SRGAP1: variants seen among roughly 807,000 people sequenced by gnomAD.
The protein encoded by SRGAP1 is SLIT-ROBO Rho GTPase activating protein 1.
SRGAP1 carries 43 observed loss-of-function variants against 121.9 expected under a neutral mutation model. The observed-to-expected ratio is 0.35, with a 90% CI of 0.28 to 0.46. The LOEUF is 0.46. Ranked by LOEUF, SRGAP1 falls within the 20% of genes least tolerant of loss-of-function variation. The pLI is 1.00. For synonymous variants in SRGAP1, 447 were observed against 485.4 expected (o/e 0.92, Z 1.04); for missense variants, 1,102 against 1,350.9 (o/e 0.82, Z 2.89).
intron 1 of SRGAP1, among the ~76,000 whole-genome samples, chr12:63,913,645 C>T (rs1203715574): frequency 6.6e-6 from 1 of 151,154 alleles, no homozygotes; most frequent in Non-Finnish European, 1.5e-5. Context: ...ATCACTTCCT[C>T]CTATGTGACA....
chr12:63,952,883 C>G (rs751899664), intron 1 of SRGAP1, among the ~76,000 whole-genome samples: 2 of 152,108 alleles, frequency 1.3e-5, no homozygotes, highest in Non-Finnish European at 2.9e-5. Flanking sequence ...TGGCCTCAAG[C>G]AATCCTCCTG....
chr12:63,989,948 A>G lies in SRGAP1; in HGVS notation c.302A>G (p.Tyr101Cys). The G allele has an allele frequency of 6.2e-7, 1 of 1,613,402 alleles. No homozygotes were observed. The highest frequency in any genetic ancestry group is 8.5e-7 in the Non-Finnish European group (1 of 1,179,688). ...QNLLSPVNCW[Y>C]LLLNQVRRES... is the part of the protein sequence containing the mutation. Reference sequence around the variant, plus strand: ...CTGTTGTCTCCAGTGAACTGCTGGTATTTGCTCCTGAACCAAGTAAGGAGA... The same window carrying G: ...CTGTTGTCTCCAGTGAACTGCTGGTGTTTGCTCCTGAACCAAGTAAGGAGA... The change falls in exon 3 of 22, where the codon TAT (tyrosine) becomes TGT (cysteine). Residue 101 changes from tyrosine (Y) to cysteine (C), a missense_variant. Tyr to Cys is a radical substitution (Grantham distance 194). Coordinates refer to ENST00000355086, the MANE Select transcript of SRGAP1 (RefSeq NM_020762.4).
chr12:64,016,801 G>C (rs994817397), intron 3 of SRGAP1, 149 bp from the exon 4 acceptor site: 25 of 513,250 alleles, frequency 4.9e-5, no homozygotes, highest in African/African-American at 4.5e-4. Context: ...ACAATGTCTA[G>C]AGTTTACAAA....
chr12:63,930,349 A>AT (rs1248353362), intron 1 of SRGAP1, among the ~76,000 whole-genome samples: 61 of 151,346 alleles, frequency 4.0e-4, no homozygotes, highest in African/African-American at 1.4e-3. Context: ...AAAAAAAAAA[A>AT]AAAGGGGAGC....
At chr12:63,927,400 G>A (rs1426637548) in intron 1 of SRGAP1, among the ~76,000 whole-genome samples, 1 of 152,138 alleles carries the variant, frequency 6.6e-6, no homozygotes, top group Admixed American at 6.5e-5. Context: ...TGATTGCTAC[G>A]CTTATCCTGT....
rs1037062077 is a variant in SRGAP1, at chr12:64,158,267, T to A, written c.*15595T>A. 3 of 152,254 alleles carry A rather than the reference T, an allele frequency of 2.0e-5. No individual in the cohort carries two copies. The highest frequency in any genetic ancestry group is 2.1e-4 in the South Asian group (1 of 4,838). The allele number at this position is 152,254 out of a possible 1,614,324, so 9.4% of individuals were successfully genotyped here. A position where few individuals can be genotyped will look rare whatever the true frequency, so the allele number is the denominator to read the frequency against. On this transcript the variant is annotated 3_prime_UTR_variant, in exon 22 of 22. Coordinates refer to ENST00000355086, the MANE Select transcript of SRGAP1 (RefSeq NM_020762.4). ...TTCTAAATTAAAACTATTTCCTGCTTTGTATTTGTCCTTTATTCCAAAAAC... is the reference window on the plus strand; with the variant it reads ...TTCTAAATTAAAACTATTTCCTGCTATGTATTTGTCCTTTATTCCAAAAAC...
chr12:64,128,309 A>C, intron 21 of SRGAP1, 109 bp downstream of exon 21: 3 of 1,105,932 alleles, frequency 2.7e-6, no homozygotes, highest in Non-Finnish European at 3.7e-6. Context: ...ATATTTCTGT[A>C]TAGAACCAAC....
At chr12:64,095,878 G>T (rs1446316413) in intron 14 of SRGAP1, among the ~76,000 whole-genome samples, 1 of 152,130 alleles carries the variant, frequency 6.6e-6, no homozygotes, top group African/African-American at 2.4e-5. Context: ...ATTTCCTTAT[G>T]TTAGAAACAT....
At chr12:63,892,549 T>C (rs1197846140) in intron 1 of SRGAP1, among the ~76,000 whole-genome samples, 1 of 152,236 alleles carries the variant, frequency 6.6e-6, no homozygotes, top group East Asian at 1.9e-4. Context: ...GGTCTTTTTT[T>C]CTCCCCTCCC....
intron 6 of SRGAP1, among the ~76,000 whole-genome samples, chr12:64,044,182 T>C (rs2035079466): frequency 6.6e-6 from 1 of 152,216 alleles, no homozygotes; most frequent in Admixed American, 6.5e-5. Flanking sequence ...ATATTCATTA[T>C]ATGTATGCAG....
chr12:63,855,945 C>T (rs1474480532), intron 1 of SRGAP1, among the ~76,000 whole-genome samples: 4 of 151,970 alleles, frequency 2.6e-5, no homozygotes, highest in African/African-American at 9.7e-5. Context: ...CAGTCTGTAG[C>T]TTGTGTTTTC....
intron 1 of SRGAP1, among the ~76,000 whole-genome samples, chr12:63,857,763 A>G (rs1381151420): frequency 1.3e-5 from 2 of 152,200 alleles, no homozygotes; most frequent in East Asian, 1.9e-4. Flanking sequence ...AAAAACACTC[A>G]TTATTTATAA....
At chr12:63,954,677 C>CAAAAAAAAAA (rs60508657) in intron 1 of SRGAP1, among the ~76,000 whole-genome samples, 6 of 104,606 alleles carry the variant, frequency 5.7e-5, no homozygotes, top group Non-Finnish European at 7.8e-5. Context: ...GACTCCATCT[C>CAAAAAAAAAA]AAAAAAAAAA....
chr12:63,930,498 C>T (rs188021584), intron 1 of SRGAP1, among the ~76,000 whole-genome samples: 1 of 152,030 alleles, frequency 6.6e-6, no homozygotes, highest in East Asian at 1.9e-4. Context: ...AACGCTACAC[C>T]AAAATGCAAA....
In SRGAP1 at chr12:63,870,606, C is replaced by A. The variant is rs368198375; in HGVS notation, c.67+25723C>A. ...AGGCTGGAGTGCAATGGTGCGATCT[C>A]AGCTGTCAGTGCAACCTCCGCTTCT... On this transcript the variant is annotated intron_variant, in intron 1 of 21. Coordinates refer to ENST00000355086, the MANE Select transcript of SRGAP1 (RefSeq NM_020762.4). Among the ~76,000 whole-genome samples, 15 of 145,124 alleles carry A rather than the reference C, an allele frequency of 1.0e-4. 1 individual carries two copies. The East Asian group carries it at 1.8e-3, about 18-fold the overall frequency.
intron 1 of SRGAP1, among the ~76,000 whole-genome samples, chr12:63,932,236 G>A (rs2031502757): frequency 6.6e-6 from 1 of 152,136 alleles, no homozygotes; most frequent in African/African-American, 2.4e-5. Flanking sequence ...AGCCGAGATT[G>A]CACCACTGCA....
intron 1 of SRGAP1, among the ~76,000 whole-genome samples, chr12:63,913,143 G>T (rs1180463541): frequency 6.8e-6 from 1 of 147,438 alleles, no homozygotes; most frequent in Non-Finnish European, 1.5e-5. Context: ...CTCCTACCTG[G>T]AATGCTGTTC....
intron 1 of SRGAP1, among the ~76,000 whole-genome samples, chr12:63,900,362 C>T (rs1449849620): frequency 4.0e-5 from 6 of 151,490 alleles, no homozygotes; most frequent in Non-Finnish European, 5.9e-5. Flanking sequence ...CGTGCCATCA[C>T]GCCCAGCTAA....
intron 1 of SRGAP1, among the ~76,000 whole-genome samples, chr12:63,978,126 A>G (rs1262522820): frequency 5.3e-5 from 8 of 152,338 alleles, no homozygotes; most frequent in Admixed American, 4.6e-4. Flanking sequence ...GTTTGTTGCT[A>G]TTACTGCTAT....
Sources: gnomAD v4.1 joint callset for allele counts (sites outside exome capture counted in the v4.1 genomes callset) on GRCh38, gnomAD v4.1.1 for gene constraint, MANE v1.5 for transcripts, NCBI Gene and HGNC (gene_info 2026-07-23, HGNC 2026-07-21) for gene names.